EHBP1: variants seen among roughly 807,000 people sequenced by gnomAD.
The protein encoded by EHBP1 is EH domain-binding protein 1.
In EHBP1, 55 loss-of-function variants were observed where a neutral mutation model predicts 144.0. The observed-to-expected ratio is 0.38, with a 90% CI of 0.31 to 0.48. The LOEUF (loss-of-function observed/expected upper bound fraction) is 0.48. Ranked by LOEUF, EHBP1 falls within the 20% of genes least tolerant of loss-of-function variation. EHBP1 has a pLI of 0.98. For missense variants in EHBP1, 1,200 were observed against 1,364.2 expected, an observed-to-expected ratio of 0.88 and a Z score of 1.90; for synonymous variants, 469 against 472.7, an observed-to-expected ratio of 0.99 and a Z score of 0.10.
chr2:62,988,284 A>C (rs572093765), intron 15 of EHBP1, among the ~76,000 whole-genome samples: 2 of 152,074 alleles, frequency 1.3e-5, no homozygotes, highest in Non-Finnish European at 2.9e-5. Flanking sequence ...AAGATTCACT[A>C]TTGTATTTTA....
chr2:62,880,712 C>T (rs779310543), intron 10 of EHBP1, among the ~76,000 whole-genome samples: 1 of 152,186 alleles, frequency 6.6e-6, no homozygotes, highest in African/African-American at 2.4e-5. Flanking sequence ...GATACTGTCT[C>T]ATACCAGGCA....
intron 10 of EHBP1, among the ~76,000 whole-genome samples, chr2:62,875,598 A>G (rs1223305321): frequency 6.6e-6 from 1 of 152,204 alleles, no homozygotes. Flanking sequence ...TCTTACCTCA[A>G]AACAATCACA....
In EHBP1 at chr2:62,876,000, A is replaced by C. The variant is rs1473597343; in HGVS notation, c.1185+1468A>C. Among the ~76,000 whole-genome samples the C allele has an allele frequency of 2.6e-5, 4 of 152,186 alleles. No individual in the cohort carries two copies. The East Asian group carries it at 7.7e-4, about 29-fold the overall frequency. ...GAGATTATATAAAGAAACCAAACCT[A>C]CTACTCATTGGCATCCCTGAAACAG... On this transcript the variant is annotated intron_variant, in intron 10 of 22. Coordinates refer to ENST00000431489, the MANE Select transcript of EHBP1 (RefSeq NM_001142616.3).
intron 3 of EHBP1, among the ~76,000 whole-genome samples, chr2:62,757,795 A>G (rs1469060654): frequency 6.6e-6 from 1 of 152,090 alleles, no homozygotes. Flanking sequence ...GATTCTCAGT[A>G]TATTATCTAT....
chr2:62,755,100 T>C (rs1192648538), intron 3 of EHBP1, among the ~76,000 whole-genome samples: 1 of 152,234 alleles, frequency 6.6e-6, no homozygotes, highest in Non-Finnish European at 1.5e-5. Flanking sequence ...AGCTGTAGAC[T>C]GGAGCTGTTC....
chr2:62,684,656 A>G (rs2033658227), intron 1 of EHBP1, among the ~76,000 whole-genome samples: 1 of 152,222 alleles, frequency 6.6e-6, no homozygotes, highest in Admixed American at 6.5e-5. Context: ...GCTTTAAAAC[A>G]AGCATTTGTA....
intron 19 of EHBP1, among the ~76,000 whole-genome samples, chr2:63,012,545 A>G (rs1160095457): frequency 6.6e-6 from 1 of 152,146 alleles, no homozygotes; most frequent in Admixed American, 6.6e-5. Flanking sequence ...TGTTATTGTA[A>G]CAAAAGCTAA....
chr2:62,713,317 T>C (rs1257017503), intron 2 of EHBP1, among the ~76,000 whole-genome samples: 5 of 151,380 alleles, frequency 3.3e-5, no homozygotes, highest in African/African-American at 1.2e-4. Flanking sequence ...CAGTGGCTCA[T>C]TGCAACCTCT....
In EHBP1 at chr2:62,864,838, G is replaced by T. The variant is rs375165603; in HGVS notation, c.865G>T (p.Asp289Tyr). ...VQTPQYLNPF[D>Y]EPEAFVTIKD... is the part of the protein sequence containing the mutation. ...GACTCCACAGTATTTGAACCCATTC[G>T]ATGAGCCAGAAGCATTTGTGACCAT... Residue 289 changes from aspartate to tyrosine, a missense_variant, in exon 9 of 23, where the codon GAT (aspartate) becomes TAT (tyrosine). Coordinates refer to ENST00000431489, the MANE Select transcript of EHBP1 (RefSeq NM_001142616.3). 6.2e-7 allele frequency: 1 copy of T among 1,613,822 alleles called. No homozygotes were observed. The highest frequency in any genetic ancestry group is 1.1e-5 in the South Asian group (1 of 91,076).
At chr2:62,889,790 AT>A (rs1440339144) in intron 10 of EHBP1, among the ~76,000 whole-genome samples, 1 of 150,376 alleles carries the variant, frequency 6.6e-6, no homozygotes, top group Non-Finnish European at 1.5e-5. Flanking sequence ...TTCTGTGTCT[AT>A]TTTGTCTGTT....
chr2:63,000,032 A>T (rs1188239698), intron 19 of EHBP1, among the ~76,000 whole-genome samples: 2 of 152,212 alleles, frequency 1.3e-5, no homozygotes, highest in African/African-American at 4.8e-5. Context: ...AGGCTCCCAG[A>T]GCTTGAGCAA....
intron 2 of EHBP1, among the ~76,000 whole-genome samples, chr2:62,722,759 T>G (rs1056323026): frequency 1.3e-5 from 2 of 152,218 alleles, no homozygotes; most frequent in African/African-American, 2.4e-5. Flanking sequence ...TTGTCTGATA[T>G]TTACTCATGA....
At chr2:62,893,289 G>A (rs918133579) in intron 10 of EHBP1, among the ~76,000 whole-genome samples, 1 of 152,042 alleles carries the variant, frequency 6.6e-6, no homozygotes, top group Non-Finnish European at 1.5e-5. Flanking sequence ...AGTAACCTGA[G>A]TATTTTTATT....
chr2:62,742,083 A>G (rs2038764436), intron 2 of EHBP1, among the ~76,000 whole-genome samples: 1 of 152,164 alleles, frequency 6.6e-6, no homozygotes, highest in Non-Finnish European at 1.5e-5. Context: ...CATGCTGTAC[A>G]GGTTTCTAGC....
intron 10 of EHBP1, among the ~76,000 whole-genome samples, chr2:62,879,420 A>G (rs2051175701): frequency 6.6e-6 from 1 of 152,180 alleles, no homozygotes; most frequent in Admixed American, 6.5e-5. Flanking sequence ...AGATCCAATA[A>G]AAAGCTTCAG....
At chr2:63,000,351 C>T (rs1196921564) in intron 19 of EHBP1, among the ~76,000 whole-genome samples, 1 of 151,778 alleles carries the variant, frequency 6.6e-6, no homozygotes, top group East Asian at 1.9e-4. Context: ...AGTTTGAATA[C>T]TGAGCAGCCA....
chr2:62,847,016 C>T (rs980763257), intron 7 of EHBP1, among the ~76,000 whole-genome samples: 3 of 151,926 alleles, frequency 2.0e-5, no homozygotes, highest in African/African-American at 7.3e-5. Flanking sequence ...TGCAAAGTAA[C>T]CAAAAGAATA....
At chr2:62,717,173 A>T (rs1277442397) in intron 2 of EHBP1, among the ~76,000 whole-genome samples, 1 of 152,130 alleles carries the variant, frequency 6.6e-6, no homozygotes, top group Non-Finnish European at 1.5e-5. Context: ...TCAAATCTTG[A>T]TTTACATACT....
intron 7 of EHBP1, among the ~76,000 whole-genome samples, chr2:62,844,925 C>T (rs1262455096): frequency 6.6e-6 from 1 of 152,054 alleles, no homozygotes; most frequent in Non-Finnish European, 1.5e-5. Flanking sequence ...ACACAGTATG[C>T]CAGCAGGGTA....
Sources: gnomAD v4.1 joint callset for allele counts (sites outside exome capture counted in the v4.1 genomes callset) on GRCh38, gnomAD v4.1.1 for gene constraint, MANE v1.5 for transcripts, NCBI Gene and HGNC (gene_info 2026-07-23, HGNC 2026-07-21) for gene names.